DZANK1: variants seen among roughly 807,000 people sequenced by gnomAD.
DZANK1 encodes double zinc ribbon and ankyrin repeat-containing protein 1.
Under a neutral mutation model 94.5 loss-of-function variants are expected in DZANK1, and 91 were observed. That is an observed-to-expected ratio of 0.96 (90% CI 0.81 to 1.15). DZANK1 has a LOEUF of 1.15. DZANK1 is among the 50% of genes most tolerant of loss of function. The probability of loss-of-function intolerance (pLI) is 0.00; values close to 1 mark genes in which losing one functional copy is unlikely to be tolerated. For missense variants in DZANK1, 903 were observed against 916.4 expected, an observed-to-expected ratio of 0.99 and a Z score of 0.19; for synonymous variants, 312 against 325.3, an observed-to-expected ratio of 0.96 and a Z score of 0.44.
chr20:18,444,899 C>T (rs569719042), intron 7 of DZANK1, among the ~76,000 whole-genome samples: 2 of 152,270 alleles, frequency 1.3e-5, no homozygotes, highest in South Asian at 4.1e-4. Context: ...CTCCCGGGTC[C>T]ATGCCATTCT....
In DZANK1 at chr20:18,425,968, A is replaced by C. The variant is rs138024040; in HGVS notation, c.954+1099T>G. Among the ~76,000 whole-genome samples the C allele has an allele frequency of 1.9e-3, 283 of 152,360 alleles. 1 individual carries two copies. The highest frequency in any genetic ancestry group is 6.8e-3 in the Middle Eastern group (2 of 294). ...CCTTGATTTTAGACTTCTAGTCTCC[A>C]GAGCTGTAAGACAATAGATTTCTGT... On this transcript the variant is annotated intron_variant, in intron 10 of 20. Transcript: ENST00000262547.
At chr20:18,392,062 A>C (rs902056286) in intron 17 of DZANK1, among the ~76,000 whole-genome samples, 3 of 152,218 alleles carry the variant, frequency 2.0e-5, no homozygotes, top group African/African-American at 7.2e-5. Context: ...CGTGTGCTCA[A>C]AAATAATCAC....
intron 13 of DZANK1, among the ~76,000 whole-genome samples, chr20:18,406,678 G>A (rs1232658233): frequency 6.6e-6 from 1 of 152,226 alleles, no homozygotes; most frequent in Non-Finnish European, 1.5e-5. Flanking sequence ...GAAAAGTAAA[G>A]GGGACTTCAT....
intron 8 of DZANK1, among the ~76,000 whole-genome samples, chr20:18,440,415 T>A (rs901112074): frequency 2.0e-5 from 3 of 152,242 alleles, no homozygotes; most frequent in Non-Finnish European, 4.4e-5. Flanking sequence ...AATGAATTTA[T>A]ACCAATTTCA....
intron 9 of DZANK1, among the ~76,000 whole-genome samples, chr20:18,430,834 AT>A (rs2058255016): frequency 6.6e-6 from 1 of 152,212 alleles, no homozygotes; most frequent in Admixed American, 6.5e-5. Flanking sequence ...AATAATAAAA[AT>A]AAAAAAAGAA....
At chr20:18,460,895 C>A (rs2059451279) in intron 2 of DZANK1, among the ~76,000 whole-genome samples, 1 of 152,208 alleles carries the variant, frequency 6.6e-6, no homozygotes, top group African/African-American at 2.4e-5. Flanking sequence ...ATCTGTACAA[C>A]CCTATGAGGT....
At chr20:18,414,295 C>T (rs2057386222) in intron 12 of DZANK1, 53 bp downstream of exon 12, 3 of 1,595,978 alleles carry the variant, frequency 1.9e-6, no homozygotes, top group African/African-American at 1.3e-5. Flanking sequence ...CACACACATT[C>T]AGAGTTACAG....
chr20:18,433,319 A>G (rs1472073450), intron 9 of DZANK1: 1 of 271,968 alleles, frequency 3.7e-6, no homozygotes, highest in African/African-American at 2.3e-5. Flanking sequence ...AGGTGGGCGC[A>G]TCACCTGAGG....
At position 18,405,420 on chromosome 20, in the gene DZANK1, G is replaced by A. The variant is rs565194656; in HGVS notation, c.1433-6794C>T. On this transcript the variant is annotated intron_variant, in intron 13 of 20. Coordinates refer to ENST00000262547, the Ensembl canonical transcript of DZANK1. ...TATTATACAACGTAAAAAAAAGAGA[G>A]AAAAAGGAATGAAGAAAAATGAACA... Among the ~76,000 whole-genome samples the A allele has an allele frequency of 2.4e-4, 37 of 152,020 alleles. 2 individuals are homozygous for A. In the South Asian group the frequency reaches 6.9e-3, roughly 28 times the overall value.
intron 9 of DZANK1, among the ~76,000 whole-genome samples, chr20:18,429,399 G>GT (rs901732892): frequency 3.7e-4 from 56 of 151,984 alleles, no homozygotes; most frequent in Non-Finnish European, 6.3e-4. Context: ...ACAAAACCCT[G>GT]TTTTTTTAAA....
At chr20:18,428,423 G>A (rs1288139802) in intron 9 of DZANK1, among the ~76,000 whole-genome samples, 1 of 151,948 alleles carries the variant, frequency 6.6e-6, no homozygotes, top group Non-Finnish European at 1.5e-5. Flanking sequence ...TCCTGGCCTC[G>A]TGATCTGCCC....
At chr20:18,414,142 C>T (rs528903848) in intron 12 of DZANK1, among the ~76,000 whole-genome samples, 31 of 152,194 alleles carry the variant, frequency 2.0e-4, no homozygotes, top group Non-Finnish European at 4.4e-4. Flanking sequence ...ATTTTAAAGC[C>T]ACTAAAGTGG....
rs1460958965 is a variant in DZANK1, at chr20:18,412,690, A to AT, written c.1387dup (p.Met463AsnfsTer3). On this transcript the variant is annotated frameshift_variant, in exon 13 of 21. Coordinates refer to ENST00000262547, the Ensembl canonical transcript of DZANK1. LOFTEE classifies it high-confidence loss of function. Reference sequence around the variant, plus strand: ...TGTCAGGAGGGGTTTATGGTCACTCATTTTCTCCTGCCTCTGCTTTTGAGA... The same window carrying AT: ...TGTCAGGAGGGGTTTATGGTCACTCATTTTTCTCCTGCCTCTGCTTTTGAGA... 1 of 1,613,246 alleles carries AT rather than the reference A, an allele frequency of 6.2e-7. No individual in the cohort carries two copies. The highest frequency in any genetic ancestry group is 1.7e-5 in the Admixed American group (1 of 59,996).
At chr20:18,435,032 C>T (rs1389623763) in intron 8 of DZANK1, among the ~76,000 whole-genome samples, 1 of 152,180 alleles carries the variant, frequency 6.6e-6, no homozygotes, top group Non-Finnish European at 1.5e-5. Flanking sequence ...ACATAAGCAA[C>T]ATAAACCAGA....
chr20:18,423,825 A>T (rs986612702), intron 10 of DZANK1, among the ~76,000 whole-genome samples: 1 of 152,188 alleles, frequency 6.6e-6, no homozygotes, highest in African/African-American at 2.4e-5. Context: ...AGTTTGTGTT[A>T]GAAAATAAGA....
intron 10 of DZANK1, among the ~76,000 whole-genome samples, chr20:18,426,604 G>C (rs563765845): frequency 6.6e-6 from 1 of 152,252 alleles, no homozygotes; most frequent in Admixed American, 6.5e-5. Context: ...GCATATACTC[G>C]TATTTCTTCC....
chr20:18,458,761 C>T lies in DZANK1; in HGVS notation c.263+1392G>A, dbSNP rs549264315. 7.2e-5 allele frequency among the ~76,000 whole-genome samples: 11 copies of T among 152,314 alleles called. No individual in the cohort carries two copies. In the East Asian group the frequency reaches 1.7e-3, roughly 24 times the overall value. ...TTGATGCTCCCAGAACGCACACTTA[C>T]AACCCCACATGAGGTCACATGAGTA... is the stretch of plus-strand genomic sequence containing the variant. On this transcript the variant is annotated intron_variant, in intron 3 of 20. Transcript: ENST00000262547.
intron 6 of DZANK1, among the ~76,000 whole-genome samples, chr20:18,451,411 GCTTT>G (rs2059097044): frequency 6.6e-6 from 1 of 151,916 alleles, no homozygotes; most frequent in Non-Finnish European, 1.5e-5. Context: ...TATTCTTTTG[GCTTT>G]CTTTCTACTT....
At chr20:18,457,564 G>C (rs1187732210) in intron 3 of DZANK1, among the ~76,000 whole-genome samples, 2 of 152,144 alleles carry the variant, frequency 1.3e-5, no homozygotes, top group African/African-American at 2.4e-5. Flanking sequence ...CTAGGTATAG[G>C]GGTGTCATGG....
Sources: allele counts gnomAD v4.1 joint callset (sites outside exome capture counted in the v4.1 genomes callset), GRCh38; gene constraint gnomAD v4.1.1; transcripts MANE v1.5; gene names NCBI Gene and HGNC (gene_info 2026-07-23, HGNC 2026-07-21).